Variants in DIS3L2 observed in about 807,000 individuals in gnomAD.
DIS3L2 encodes DIS3 like 3'-5' exoribonuclease 2, also known as DIS3-like exonuclease 2.
DIS3L2 carries 34 observed loss-of-function variants against 97.5 expected under a neutral mutation model. That is an observed-to-expected ratio of 0.35 (90% CI 0.27 to 0.46). DIS3L2 has a LOEUF of 0.46. DIS3L2 is among the 20% of genes least tolerant of loss of function. DIS3L2 has a pLI of 1.00. For synonymous variants in DIS3L2, 435 were observed against 445.2 expected (o/e 0.98, Z 0.29); for missense variants, 1,038 against 1,146.0 (o/e 0.91, Z 1.36).
chr2:232,224,352 C>T (rs1001579905), intron 10 of DIS3L2, among the ~76,000 whole-genome samples: 4 of 152,126 alleles, frequency 2.6e-5, no homozygotes, highest in Admixed American at 6.6e-5. Context: ...AAATGAATTC[C>T]ATGTGGCTCA....
At chr2:232,120,844 G>A (rs1452005275) in intron 6 of DIS3L2, among the ~76,000 whole-genome samples, 1 of 151,902 alleles carries the variant, frequency 6.6e-6, no homozygotes, top group Non-Finnish European at 1.5e-5. Flanking sequence ...GCGTTTCTCT[G>A]TCCTTCTGCT....
At chr2:232,235,862 G>T (rs1692917359) in intron 10 of DIS3L2, among the ~76,000 whole-genome samples, 3 of 152,308 alleles carry the variant, frequency 2.0e-5, no homozygotes, top group East Asian at 1.9e-4. Context: ...TTCCTCGATC[G>T]CAGGGCAGGT....
intron 6 of DIS3L2, among the ~76,000 whole-genome samples, chr2:232,125,501 T>C (rs1255261113): frequency 8.5e-5 from 13 of 152,096 alleles, no homozygotes; most frequent in Non-Finnish European, 1.5e-5. Flanking sequence ...ATTCACTGGC[T>C]CCCCCTCTTC....
intron 5 of DIS3L2, among the ~76,000 whole-genome samples, chr2:232,044,228 T>C (rs1282447358): frequency 6.6e-6 from 1 of 152,138 alleles, no homozygotes; most frequent in Non-Finnish European, 1.5e-5. Flanking sequence ...TCACATTGTA[T>C]ATTAAATATC....
Position 232,269,614 on chromosome 2 carries a change from T to C in DIS3L2, c.1659+6174T>C, listed in dbSNP as rs1002510652. 1.6e-4 allele frequency among the ~76,000 whole-genome samples: 24 copies of C among 152,180 alleles called. No individual in the cohort carries two copies. The highest frequency in any genetic ancestry group is 5.3e-4 in the African/African-American group (22 of 41,506). ...TCAGTCTCAGGGGTTCAGGGAAGAT[T>C]TTCCAGCAGAAGTAGTGGGGCATTA... On this transcript the variant is annotated intron_variant, in intron 13 of 20. Coordinates refer to ENST00000325385, the MANE Select transcript of DIS3L2 (RefSeq NM_152383.5). The surrounding 1 kb of genome is among the most constrained non-coding windows in gnomAD (Gnocchi z 4.5).
intron 10 of DIS3L2, among the ~76,000 whole-genome samples, chr2:232,226,547 G>A (rs778391191): frequency 1.3e-5 from 2 of 152,326 alleles, no homozygotes; most frequent in Non-Finnish European, 2.9e-5. Context: ...TTATCATCCA[G>A]GAGCTATGGC....
intron 5 of DIS3L2, among the ~76,000 whole-genome samples, chr2:232,071,653 G>A (rs1445238986): frequency 6.6e-6 from 1 of 152,196 alleles, no homozygotes; most frequent in Non-Finnish European, 1.5e-5. Flanking sequence ...ACTGAAAAAG[G>A]TCAGTGGACA....
intron 1 of DIS3L2, among the ~76,000 whole-genome samples, chr2:232,011,869 T>G (rs1694209755): frequency 6.6e-6 from 1 of 151,670 alleles, no homozygotes; most frequent in Non-Finnish European, 1.5e-5. Context: ...CAGTCTGGTC[T>G]TGAACTCCTG....
chr2:232,298,983 A>C (rs1694790743), intron 13 of DIS3L2, among the ~76,000 whole-genome samples: 1 of 152,216 alleles, frequency 6.6e-6, no homozygotes, highest in African/African-American at 2.4e-5. Context: ...TCTCAAAGTT[A>C]ACATGTCCAA....
At chr2:232,235,563 A>G (rs921509715) in intron 10 of DIS3L2, among the ~76,000 whole-genome samples, 4 of 152,182 alleles carry the variant, frequency 2.6e-5, no homozygotes, top group Non-Finnish European at 4.4e-5. Flanking sequence ...TTCATATTTT[A>G]TCTCCTGTAA....
chr2:232,319,316 C>T (rs1695364172), intron 14 of DIS3L2, among the ~76,000 whole-genome samples: 1 of 152,250 alleles, frequency 6.6e-6, no homozygotes, highest in African/African-American at 2.4e-5. Flanking sequence ...AAACTAGCAG[C>T]CAGTTCTTTG....
At chr2:232,054,971 G>A (rs1695505150) in intron 5 of DIS3L2, among the ~76,000 whole-genome samples, 1 of 152,036 alleles carries the variant, frequency 6.6e-6, no homozygotes, top group Non-Finnish European at 1.5e-5. Context: ...ACTCAAATAA[G>A]GTAATTCATC....
Position 232,214,891 on chromosome 2 carries a change from A to G in DIS3L2, c.1204+4486A>G, listed in dbSNP as rs530477793. On this transcript the variant is annotated intron_variant, in intron 10 of 20. Coordinates refer to ENST00000325385, the MANE Select transcript of DIS3L2 (RefSeq NM_152383.5). ...CACTTCTCCAGCATCTTGTTTCTCTAAAGTTGTATTCTCTAACATGTACTC... is the reference window on the plus strand; with the variant it reads ...CACTTCTCCAGCATCTTGTTTCTCTGAAGTTGTATTCTCTAACATGTACTC... 2.6e-5 allele frequency among the ~76,000 whole-genome samples: 4 copies of G among 152,326 alleles called. No individual in the cohort carries two copies. The East Asian group carries it at 5.8e-4, about 22-fold the overall frequency.
Position 232,329,809 on chromosome 2 carries a change from G to T in DIS3L2, c.1740-4G>T, listed in dbSNP as rs1315252143. 1.8e-5 allele frequency: 5 copies of T among 282,230 alleles called. No homozygotes were observed. The highest frequency in any genetic ancestry group is 3.0e-5 in the South Asian group (1 of 33,762). The allele number at this position is 282,230 out of a possible 1,614,324, so 17.5% of individuals were successfully genotyped here. The stretch of plus-strand genomic sequence containing the variant: ...GTCCCTCCCATCCCACCCACCCTCT[G>T]CAGGCTCGTGGAGGAGTTCATGCTC... On this transcript the variant is annotated splice_region_variant and splice_polypyrimidine_tract_variant and intron_variant, in intron 14 of 20. Transcript: ENST00000325385.
At chr2:232,337,719 C>G (rs1013225491), downstream of DIS3L2, among the ~76,000 whole-genome samples, 8 of 151,806 alleles carry the variant, frequency 5.3e-5, no homozygotes, top group African/African-American at 1.7e-4. Flanking sequence ...CTGGGGTGTC[C>G]GGATTAACAA....
At chr2:232,141,035 A>C (rs1257052748) in intron 8 of DIS3L2, among the ~76,000 whole-genome samples, 4 of 152,178 alleles carry the variant, frequency 2.6e-5, no homozygotes, top group Admixed American at 2.6e-4. Flanking sequence ...CAGGATAATT[A>C]AAAAGCCACA....
chr2:232,232,803 G>A lies in DIS3L2; in HGVS notation c.1205-5730G>A, dbSNP rs567966896. On this transcript the variant is annotated intron_variant, in intron 10 of 20. Transcript: ENST00000325385. ...TTAGAAGACCAAAGCACAGAAATGA[G>A]GTTTGAATCCCTGGAAGTAGATGAG... 2.0e-5 allele frequency among the ~76,000 whole-genome samples: 3 copies of A among 152,272 alleles called. No homozygotes were observed. In the South Asian group the frequency reaches 6.2e-4, roughly 32 times the overall value.
chr2:231,999,599 C>T (rs1242478534), intron 1 of DIS3L2, among the ~76,000 whole-genome samples: 1 of 152,114 alleles, frequency 6.6e-6, no homozygotes, highest in Non-Finnish European at 1.5e-5. Context: ...CTTATTTGTT[C>T]CATCTAGGAT....
intron 12 of DIS3L2, among the ~76,000 whole-genome samples, chr2:232,249,719 G>A (rs1479761531): frequency 2.6e-5 from 4 of 152,222 alleles, no homozygotes; most frequent in African/African-American, 4.8e-5. Flanking sequence ...CTGTTTAGAG[G>A]AGGACATTAG....
Sources: gnomAD v4.1 joint callset for allele counts (sites outside exome capture counted in the v4.1 genomes callset) on GRCh38, gnomAD v4.1.1 for gene constraint, Gnocchi (gnomAD v3.1) non-coding constraint, MANE v1.5 for transcripts, NCBI Gene and HGNC (gene_info 2026-07-23, HGNC 2026-07-21) for gene names.